The following DDAH1 variants were observed in gnomAD, a reference collection of about 807,000 sequenced individuals.
DDAH1 encodes N(G),N(G)-dimethylarginine dimethylaminohydrolase 1.
DDAH1 carries 19 observed loss-of-function variants against 28.8 expected under a neutral mutation model. That is an observed-to-expected ratio of 0.66 (90% CI 0.46 to 0.97). The LOEUF (loss-of-function observed/expected upper bound fraction) is 0.97, where lower values mean the gene tolerates loss of function less well. DDAH1 is among the 50% of genes least tolerant of loss of function. The pLI is 0.00. For synonymous variants in DDAH1, 153 were observed against 154.4 expected, an observed-to-expected ratio of 0.99 and a Z score of 0.07; for missense variants, 326 against 375.9, an observed-to-expected ratio of 0.87 and a Z score of 1.10.
At chr1:85,442,971 T>C (rs1390747919) in intron 1 of DDAH1, among the ~76,000 whole-genome samples, 4 of 152,220 alleles carry the variant, frequency 2.6e-5, no homozygotes, top group African/African-American at 9.6e-5. Context: ...TCCCATTCTG[T>C]AGGCTGCCTG....
At position 85,464,839 on chromosome 1, in the gene DDAH1, C is replaced by A; in HGVS notation, c.207G>T (p.Glu69Asp). Residue 69 changes from glutamate to aspartate, a missense_variant, in exon 1 of 6, where the codon GAG becomes GAT. Glu to Asp is a conservative substitution (Grantham distance 45, BLOSUM62 2). Transcript: ENST00000284031. This position sits in a 1 kb window ranked among gnomAD's most constrained non-coding sequence, Gnocchi z 4.4. ...CCACGAAGACGCAGTCCGGAAGGCT[C>A]TCGTCGGCCGGCAGCTCCACCACCT... ...GLQVVELPAD[E>D]SLPDCVFVED... The A allele has an allele frequency of 6.3e-7, 1 of 1,588,848 alleles. No individual in the cohort carries two copies. Among genetic ancestry groups the A allele is most frequent in the South Asian group, 1.1e-5 (1 of 89,084 alleles).
At chr1:85,344,434 G>C (rs1648710549) in intron 4 of DDAH1, among the ~76,000 whole-genome samples, 1 of 152,152 alleles carries the variant, frequency 6.6e-6, no homozygotes, top group Non-Finnish European at 1.5e-5. Flanking sequence ...CCAGCAGATG[G>C]CACAGTCCTG....
At chr1:85,478,170 T>G (rs1487952939) in intron 2 of DDAH1, among the ~76,000 whole-genome samples, 1 of 152,156 alleles carries the variant, frequency 6.6e-6, no homozygotes, top group Admixed American at 6.5e-5. Flanking sequence ...GGCAAGAATA[T>G]TATATAGAAA....
chr1:85,522,747 A>G (rs1425491078), intron 1 of DDAH1, among the ~76,000 whole-genome samples: 3 of 152,212 alleles, frequency 2.0e-5, no homozygotes, highest in Admixed American at 2.0e-4. Context: ...AGGGACAGAG[A>G]AACAACATCT....
chr1:85,512,906 G>A (rs1557709696), intron 1 of DDAH1, among the ~76,000 whole-genome samples: 1 of 152,142 alleles, frequency 6.6e-6, no homozygotes, highest in South Asian at 2.1e-4. Context: ...AATCAATATT[G>A]TGAAAATGGC....
chr1:85,346,754 AATTGCCCC>A (rs1238438359), intron 4 of DDAH1, among the ~76,000 whole-genome samples: 1 of 152,212 alleles, frequency 6.6e-6, no homozygotes, highest in Non-Finnish European at 1.5e-5. Flanking sequence ...AGCAATTAAT[AATTGCCCC>A]ATTAGATCTA....
At chr1:85,374,086 A>C (rs748749850) in intron 1 of DDAH1, among the ~76,000 whole-genome samples, 1 of 152,084 alleles carries the variant, frequency 6.6e-6, no homozygotes, top group Non-Finnish European at 1.5e-5. Context: ...CCATTACTCT[A>C]AACATCCAAA....
At chr1:85,415,795 C>T (rs970885344) in intron 1 of DDAH1, among the ~76,000 whole-genome samples, 1 of 152,074 alleles carries the variant, frequency 6.6e-6, no homozygotes, top group Non-Finnish European at 1.5e-5. Flanking sequence ...TTCACAGATG[C>T]CTTCTAAATT....
At chr1:85,490,823 T>C (rs538027136) in intron 2 of DDAH1, among the ~76,000 whole-genome samples, 2 of 152,298 alleles carry the variant, frequency 1.3e-5, no homozygotes, top group South Asian at 4.1e-4. Context: ...GGGACAAAAT[T>C]ATGATAGGCC....
At chr1:85,462,522 A>G (rs948316984) in intron 1 of DDAH1, among the ~76,000 whole-genome samples, 3 of 152,250 alleles carry the variant, frequency 2.0e-5, no homozygotes, top group African/African-American at 7.2e-5. Flanking sequence ...TTGGGAATGC[A>G]GACATCACAT....
At chr1:85,523,897 C>T (rs181303451) in intron 1 of DDAH1, among the ~76,000 whole-genome samples, 2 of 152,130 alleles carry the variant, frequency 1.3e-5, no homozygotes, top group Non-Finnish European at 2.9e-5. Flanking sequence ...AACACAAAGG[C>T]TGAACTTTGG....
intron 2 of DDAH1, among the ~76,000 whole-genome samples, chr1:85,356,858 G>C (rs1180309749): frequency 6.6e-6 from 1 of 152,212 alleles, no homozygotes; most frequent in Non-Finnish European, 1.5e-5. Context: ...AGTGTAAGTT[G>C]CACTTTCACA....
chr1:85,324,309 AAT>A (rs1448552344), intron 5 of DDAH1, among the ~76,000 whole-genome samples: 1 of 149,474 alleles, frequency 6.7e-6, no homozygotes, highest in African/African-American at 2.5e-5. Context: ...TAAATAAAAA[AAT>A]AAAAAGAAAT....
At chr1:85,393,958 C>CTG (rs1176077998) in intron 1 of DDAH1, among the ~76,000 whole-genome samples, 13 of 152,028 alleles carry the variant, frequency 8.6e-5, no homozygotes, top group Admixed American at 8.5e-4. Flanking sequence ...CTGCTTCTGG[C>CTG]TGTGTGTCTG....
intron 4 of DDAH1, among the ~76,000 whole-genome samples, chr1:85,348,234 A>G (rs1648986962): frequency 6.6e-6 from 1 of 152,190 alleles, no homozygotes; most frequent in East Asian, 1.9e-4. Flanking sequence ...TGGGAAGGGA[A>G]AGATGAAGAG....
chr1:85,357,345 T>C (rs1251447123), intron 2 of DDAH1, among the ~76,000 whole-genome samples: 4 of 152,132 alleles, frequency 2.6e-5, no homozygotes, highest in South Asian at 2.1e-4. Context: ...GGGCATACTA[T>C]TCACACAATC....
intron 1 of DDAH1, among the ~76,000 whole-genome samples, chr1:85,502,769 C>T (rs553385959): frequency 6.6e-6 from 1 of 152,328 alleles, no homozygotes; most frequent in South Asian, 2.1e-4. Flanking sequence ...TTAAAGAGTC[C>T]TCTTTTGCTG....
intron 2 of DDAH1, chr1:85,493,420 T>A (rs1656473054): frequency 6.6e-6 from 1 of 152,308 alleles, no homozygotes; most frequent in East Asian, 1.9e-4. Flanking sequence ...CACAACATAC[T>A]AATATTCATT....
rs954596614 is a variant in DDAH1 at position 85,320,133 on chromosome 1, C to T, written c.*1319G>A. ...CCCCTGCCTGTTAATAGGCTGATTC[C>T]TGCAGGTTTGAGTAAAGGAATCATC... On this transcript the variant is annotated 3_prime_UTR_variant, in exon 6 of 6. Coordinates refer to ENST00000284031, the MANE Select transcript of DDAH1 (RefSeq NM_012137.4). 1 of 152,366 alleles carries T rather than the reference C, an allele frequency of 6.6e-6. No homozygotes were observed. The highest frequency in any genetic ancestry group is 2.4e-5 in the African/African-American group (1 of 41,458). The allele number at this position is 152,366 out of a possible 1,614,324, so 9.4% of individuals were successfully genotyped here.
Sources: gnomAD v4.1 joint callset for allele counts (sites outside exome capture counted in the v4.1 genomes callset) on GRCh38, gnomAD v4.1.1 for gene constraint, Gnocchi (gnomAD v3.1) non-coding constraint, MANE v1.5 for transcripts, NCBI Gene and HGNC (gene_info 2026-07-23, HGNC 2026-07-21) for gene names.